MYO16: variants seen among roughly 807,000 people sequenced by gnomAD.
MYO16 encodes myosin XVI.
A neutral mutation model predicts 205.3 loss-of-function variants in MYO16; 94 were observed. That is an observed-to-expected ratio of 0.46 (90% confidence interval 0.39 to 0.54). MYO16 has a LOEUF of 0.54. MYO16 is among the 20% of genes least tolerant of loss of function. MYO16 has a pLI of 0.00. For synonymous variants in MYO16, 988 were observed against 954.0 expected (o/e 1.04, Z -0.66); for missense variants, 2,315 against 2,387.5 (o/e 0.97, Z 0.63).
At chr13:108,539,313 C>T in the MYO16 span, among the ~76,000 whole-genome samples, 1 of 152,242 alleles carries the variant, frequency 6.6e-6, no homozygotes, top group Non-Finnish European at 1.5e-5. Context: ...CACCACTGTA[C>T]ATTGCAAGGC....
intron 2 of MYO16, among the ~76,000 whole-genome samples, chr13:108,679,128 A>G (rs958851010): frequency 6.6e-5 from 10 of 151,934 alleles, no homozygotes; most frequent in African/African-American, 2.4e-4. Flanking sequence ...ACATAAGAAT[A>G]TTTTCTTTAA....
At chr13:108,539,082 T>TA in the MYO16 span, among the ~76,000 whole-genome samples, 1 of 152,106 alleles carries the variant, frequency 6.6e-6, no homozygotes, top group Non-Finnish European at 1.5e-5. Flanking sequence ...GCACCAGATT[T>TA]AAAAAATAGA....
chr13:108,860,513 T>A (rs1197345049), intron 11 of MYO16, among the ~76,000 whole-genome samples: 1 of 152,204 alleles, frequency 6.6e-6, no homozygotes. Flanking sequence ...TATAATTCTT[T>A]GGGTATATAC....
intron 23 of MYO16, among the ~76,000 whole-genome samples, chr13:109,022,322 CAAATATATATTTA>C: frequency 8.8e-6 from 1 of 114,216 alleles, no homozygotes; most frequent in East Asian, 2.4e-4. Context: ...ATATTATATA[CAAATATATATTTA>C]TATATTATAT....
At chr13:108,740,777 C>T (rs1884879771) in intron 4 of MYO16, among the ~76,000 whole-genome samples, 1 of 152,164 alleles carries the variant, frequency 6.6e-6, no homozygotes, top group Non-Finnish European at 1.5e-5. Context: ...CTGTGGTGAG[C>T]TCCACCCAGT....
Position 109,153,197 on chromosome 13 carries a change from C to T in MYO16, c.5165-11704C>T, listed in dbSNP as rs141542486. ...TGATTTCTCAGCTCACAAATATGTCCTCTGAAACACTGGTCTACAGGGGAG... is the reference window on the plus strand; with the variant it reads ...TGATTTCTCAGCTCACAAATATGTCTTCTGAAACACTGGTCTACAGGGGAG... On this transcript the variant is annotated intron_variant, in intron 32 of 34. Transcript: ENST00000457511. 2.5e-3 allele frequency among the ~76,000 whole-genome samples: 387 copies of T among 152,270 alleles called. 4 individuals are homozygous for T. The highest frequency in any genetic ancestry group is 8.6e-3 in the African/African-American group (359 of 41,536).
chr13:108,775,859 G>A (rs1244233409), intron 4 of MYO16, among the ~76,000 whole-genome samples: 3 of 152,156 alleles, frequency 2.0e-5, no homozygotes, highest in Non-Finnish European at 4.4e-5. Flanking sequence ...CATGTGCGAG[G>A]GTGAGACATT....
At chr13:109,029,466 C>T (rs545487391) in intron 23 of MYO16, among the ~76,000 whole-genome samples, 1 of 152,138 alleles carries the variant, frequency 6.6e-6, no homozygotes, top group South Asian at 2.1e-4. Flanking sequence ...CCTTTACCTC[C>T]CTGGAGATTT....
At chr13:108,984,957 A>T (rs1476933032) in intron 20 of MYO16, among the ~76,000 whole-genome samples, 2 of 152,206 alleles carry the variant, frequency 1.3e-5, no homozygotes, top group Non-Finnish European at 2.9e-5. Context: ...GACAGTAAGG[A>T]AAGAAGTCTC....
chr13:108,972,624 G>A (rs985842238), intron 20 of MYO16, among the ~76,000 whole-genome samples: 1 of 151,080 alleles, frequency 6.6e-6, no homozygotes, highest in East Asian at 2.0e-4. Context: ...ATTAGAGATA[G>A]GGGCATTGTT....
At chr13:108,644,516 G>C (rs1880665681) in intron 1 of MYO16, among the ~76,000 whole-genome samples, 1 of 152,102 alleles carries the variant, frequency 6.6e-6, no homozygotes, top group Admixed American at 6.5e-5. Context: ...TAAATAATTA[G>C]TAGCAATGGT....
intron 4 of MYO16, among the ~76,000 whole-genome samples, chr13:108,729,781 C>T (rs1000860812): frequency 3.3e-5 from 5 of 151,826 alleles, no homozygotes; most frequent in African/African-American, 4.9e-5. Context: ...AGCCAGGATT[C>T]CCTTCCTCCA....
At chr13:108,844,296 A>T in intron 9 of MYO16, 47 bp from the exon 10 acceptor site, 1 of 1,524,750 alleles carries the variant, frequency 6.6e-7, no homozygotes, top group Non-Finnish European at 8.9e-7. Flanking sequence ...TCGATTGATA[A>T]AACATTAGAA....
At chr13:108,509,792 T>TATA in the MYO16 span, among the ~76,000 whole-genome samples, 1 of 152,096 alleles carries the variant, frequency 6.6e-6, no homozygotes, top group Non-Finnish European at 1.5e-5. Context: ...AAACTTAAAG[T>TATA]ATAATAATAA....
At chr13:108,668,688 C>T (rs891064743) in intron 2 of MYO16, among the ~76,000 whole-genome samples, 1 of 152,114 alleles carries the variant, frequency 6.6e-6, no homozygotes, top group African/African-American at 2.4e-5. Flanking sequence ...TTTCTTTGTC[C>T]ATCCTTGTAT....
chr13:108,749,082 G>A (rs1415397575), intron 4 of MYO16, among the ~76,000 whole-genome samples: 10 of 151,940 alleles, frequency 6.6e-5, no homozygotes, highest in African/African-American at 1.9e-4. Context: ...ACAACATGAC[G>A]TTTTGATATA....
At chr13:108,888,308 C>T in intron 13 of MYO16, 64 bp from the exon 14 acceptor site, 1 of 1,165,012 alleles carries the variant, frequency 8.6e-7, no homozygotes, top group Non-Finnish European at 1.2e-6. Context: ...TTCAAAGGAA[C>T]AAAGGAACAA....
At chr13:108,500,861 C>A in the MYO16 span, among the ~76,000 whole-genome samples, 2 of 152,156 alleles carry the variant, frequency 1.3e-5, no homozygotes, top group African/African-American at 2.4e-5. Context: ...GCCTGCTCCT[C>A]CCCATGACAG....
upstream of MYO16, among the ~76,000 whole-genome samples, chr13:108,628,713 C>G (rs923930364): frequency 1.3e-5 from 2 of 152,160 alleles, no homozygotes; most frequent in African/African-American, 4.8e-5. Flanking sequence ...AATAAAAGCA[C>G]TGCTCTTTGA....
Sources: gnomAD v4.1 joint callset for allele counts (sites outside exome capture counted in the v4.1 genomes callset) on GRCh38, gnomAD v4.1.1 for gene constraint, MANE v1.5 for transcripts, NCBI Gene and HGNC (gene_info 2026-07-23, HGNC 2026-07-21) for gene names.